ATF7IP: variants seen among roughly 807,000 people sequenced by gnomAD.
The protein encoded by ATF7IP is activating transcription factor 7-interacting protein 1.
In ATF7IP, 23 loss-of-function variants were observed where a neutral mutation model predicts 106.4. The ratio of observed to expected loss-of-function variants is 0.22; its 90% CI spans 0.16 to 0.31. The LOEUF (loss-of-function observed/expected upper bound fraction) is 0.31, where lower values mean the gene tolerates loss of function less well. Among genes scored for constraint, ATF7IP ranks in the 10% least tolerant of loss-of-function variants. The pLI is 1.00. For synonymous variants in ATF7IP, 542 were observed against 539.0 expected, an observed-to-expected ratio of 1.01 and a Z score of -0.08; for missense variants, 1,334 against 1,524.3, an observed-to-expected ratio of 0.88 and a Z score of 2.08.
At chr12:14,473,288 C>CTGTATATGTG (rs796814505) in intron 10 of ATF7IP, among the ~76,000 whole-genome samples, 5 of 140,350 alleles carry the variant, frequency 3.6e-5, no homozygotes, top group African/African-American at 1.1e-4. Context: ...CTCTCTCTCT[C>CTGTATATGTG]TCTGTGTGTG....
At chr12:14,483,264 A>G (rs117556512) in intron 13 of ATF7IP, among the ~76,000 whole-genome samples, 1,793 of 152,202 alleles carry the variant, frequency 0.012, 18 homozygotes, top group Non-Finnish European at 0.017. Flanking sequence ...ATAGTTTCCT[A>G]TTGGCCTTAA....
chr12:14,431,541 T>C lies in ATF7IP; in HGVS notation c.1559-2796T>C, dbSNP rs1316114619. ...TCCCGAGTAGCTGGGACTACAGGCATGTACCACTACATACAGCTAATTTTT... is the reference window on the plus strand; with the variant it reads ...TCCCGAGTAGCTGGGACTACAGGCACGTACCACTACATACAGCTAATTTTT... On this transcript the variant is annotated intron_variant, in intron 2 of 14. Transcript: ENST00000261168. 2.0e-5 allele frequency among the ~76,000 whole-genome samples: 3 copies of C among 151,974 alleles called. No homozygotes were observed. The East Asian group carries it at 5.8e-4, about 29-fold the overall frequency.
Position 14,500,409 on chromosome 12 carries a change from A to G in ATF7IP, c.*2336A>G, listed in dbSNP as rs556753280. 9 of 152,336 alleles carry G rather than the reference A, an allele frequency of 5.9e-5. No individual in the cohort carries two copies. The highest frequency in any genetic ancestry group is 2.2e-4 in the African/African-American group (9 of 41,584). 9.4% of individuals were successfully genotyped at this position (152,336 alleles called of 1,614,324 possible). A position where few individuals can be genotyped will look rare whatever the true frequency, so the allele number is the denominator to read the frequency against. On this transcript the variant is annotated 3_prime_UTR_variant, in exon 15 of 15. Coordinates refer to ENST00000261168, the MANE Select transcript of ATF7IP (RefSeq NM_018179.5). ...TGCTATAAATCAAATTTGCCAACCA[A>G]TTATGTAGATATTACTCATTCTAGG...
intron 2 of ATF7IP, among the ~76,000 whole-genome samples, chr12:14,429,855 GA>G (rs1347242808): frequency 6.6e-6 from 1 of 152,168 alleles, no homozygotes; most frequent in Non-Finnish European, 1.5e-5. Flanking sequence ...CAGAGTTGAG[GA>G]AGACCAAAGA....
intron 11 of ATF7IP, 70 bp downstream of exon 11, chr12:14,476,038 TCTACA>T: frequency 8.2e-6 from 9 of 1,090,930 alleles, no homozygotes; most frequent in African/African-American, 1.6e-5. Context: ...GGTACAGTAT[TCTACA>T]AAGACAGATG....
intron 13 of ATF7IP, among the ~76,000 whole-genome samples, chr12:14,493,696 G>A: frequency 6.6e-6 from 1 of 152,082 alleles, no homozygotes; most frequent in Non-Finnish European, 1.5e-5. Flanking sequence ...TTTCCAGTCA[G>A]TGCCCTCCCT....
intron 1 of ATF7IP, among the ~76,000 whole-genome samples, chr12:14,404,019 A>AT (rs111949675): frequency 0.047 from 6,967 of 148,270 alleles, 188 homozygotes; most frequent in Non-Finnish European, 0.064. Flanking sequence ...AATTTGAGTG[A>AT]TTTTTTTTTT....
At chr12:14,420,929 C>G (rs1489407035) in intron 1 of ATF7IP, among the ~76,000 whole-genome samples, 1 of 152,170 alleles carries the variant, frequency 6.6e-6, no homozygotes, top group African/African-American at 2.4e-5. Flanking sequence ...AAGTGACTAT[C>G]CAATGTGAAA....
chr12:14,469,793 G>A (rs1215176593), intron 10 of ATF7IP, among the ~76,000 whole-genome samples: 3 of 152,150 alleles, frequency 2.0e-5, no homozygotes, highest in African/African-American at 7.2e-5. Flanking sequence ...AATTTGCAGA[G>A]TTGAAGTTCA....
At chr12:14,493,533 A>T (rs1944898676) in intron 13 of ATF7IP, among the ~76,000 whole-genome samples, 1 of 152,190 alleles carries the variant, frequency 6.6e-6, no homozygotes, top group South Asian at 2.1e-4. Context: ...GGCTGATGGC[A>T]GCATGGGTCA....
At chr12:14,444,362 C>G (rs1942852222) in intron 5 of ATF7IP, among the ~76,000 whole-genome samples, 2 of 152,008 alleles carry the variant, frequency 1.3e-5, no homozygotes, top group South Asian at 4.1e-4. Flanking sequence ...ATAGGCCAAC[C>G]TTGATGTTAA....
intron 1 of ATF7IP, among the ~76,000 whole-genome samples, chr12:14,405,767 G>A (rs61641676): frequency 0.1 from 15,694 of 152,022 alleles, 999 homozygotes; most frequent in African/African-American, 0.18. Flanking sequence ...AGGGCAGTTG[G>A]AAGAGAAGAG....
intron 1 of ATF7IP, among the ~76,000 whole-genome samples, chr12:14,411,681 C>T (rs574299452): frequency 3.9e-5 from 6 of 152,112 alleles, no homozygotes; most frequent in South Asian, 2.1e-4. Context: ...ATACAAGTCT[C>T]GTATTGGGTA....
intron 1 of ATF7IP, among the ~76,000 whole-genome samples, chr12:14,422,330 C>G (rs1366037346): frequency 6.6e-6 from 1 of 150,642 alleles, no homozygotes; most frequent in African/African-American, 2.5e-5. Context: ...CACACACACA[C>G]ACACACACAC....
intron 4 of ATF7IP, among the ~76,000 whole-genome samples, chr12:14,436,973 G>A (rs2136623646): frequency 6.6e-6 from 1 of 152,088 alleles, no homozygotes; most frequent in Admixed American, 6.5e-5. Flanking sequence ...TCTTTATAAA[G>A]CTGGTTTCAT....
chr12:14,485,576 A>G (rs1426175699), intron 13 of ATF7IP, among the ~76,000 whole-genome samples: 1 of 152,194 alleles, frequency 6.6e-6, no homozygotes, highest in African/African-American at 2.4e-5. Flanking sequence ...AAAACCGATC[A>G]AGGTCTCTCT....
rs1202102508 is a variant in ATF7IP, at chr12:14,502,188, A to G, written c.*4115A>G. On this transcript the variant is annotated 3_prime_UTR_variant, in exon 15 of 15. Transcript: ENST00000261168. ...CAAGTCCCAGTATTTGCAATATCAA[A>G]TAACTCTAAAACCGATGTGTGATTC... 2 of 152,212 alleles carry G rather than the reference A, an allele frequency of 1.3e-5. No homozygotes were observed. Among genetic ancestry groups the G allele is most frequent in the Admixed American group, 6.5e-5 (1 of 15,274 alleles). 9.4% of individuals were successfully genotyped at this position (152,212 alleles called of 1,614,324 possible).
chr12:14,446,736 C>T (rs542337231), intron 5 of ATF7IP, among the ~76,000 whole-genome samples: 3 of 152,056 alleles, frequency 2.0e-5, no homozygotes, highest in Non-Finnish European at 4.4e-5. Flanking sequence ...CTCAAAAGTT[C>T]GAGGAAGAAA....
At chr12:14,472,766 T>A (rs1188283167) in intron 10 of ATF7IP, among the ~76,000 whole-genome samples, 2 of 152,178 alleles carry the variant, frequency 1.3e-5, no homozygotes, top group African/African-American at 4.8e-5. Flanking sequence ...TATTTAAACC[T>A]CTAGTTCAAA....
Sources: allele counts gnomAD v4.1 joint callset (sites outside exome capture counted in the v4.1 genomes callset), GRCh38; gene constraint gnomAD v4.1.1; transcripts MANE v1.5; gene names NCBI Gene and HGNC (gene_info 2026-07-23, HGNC 2026-07-21).